Variants in MTSS1 observed in about 807,000 individuals in gnomAD.
The protein encoded by MTSS1 is protein MTSS 1.
In MTSS1, 18 loss-of-function variants were observed where a neutral mutation model predicts 79.0. The ratio of observed to expected loss-of-function variants is 0.23; its 90% confidence interval spans 0.16 to 0.34. The LOEUF (loss-of-function observed/expected upper bound fraction) is 0.34. MTSS1 is among the 10% of genes least tolerant of loss of function. MTSS1 has a pLI of 1.00. For missense variants in MTSS1, 815 were observed against 986.2 expected, an observed-to-expected ratio of 0.83 and a Z score of 2.33; for synonymous variants, 341 against 368.6, an observed-to-expected ratio of 0.93 and a Z score of 0.86.
intron 10 of MTSS1, among the ~76,000 whole-genome samples, chr8:124,560,893 C>T (rs1403681744): frequency 6.6e-6 from 1 of 152,142 alleles, no homozygotes; most frequent in Non-Finnish European, 1.5e-5. Context: ...CATCACTCGG[C>T]TTTCATCTCA....
chr8:124,554,838 A>G (rs943250466), intron 13 of MTSS1, among the ~76,000 whole-genome samples: 3 of 152,342 alleles, frequency 2.0e-5, no homozygotes, highest in African/African-American at 7.2e-5. Context: ...CAAAGTGCTA[A>G]AACAAAAATG....
In MTSS1 at chr8:124,632,475, C is replaced by T. The variant is rs115943072; in HGVS notation, c.209-41240G>A. On this transcript the variant is annotated intron_variant, in intron 3 of 13. Transcript: ENST00000518547. ...ACAAGCCTGGGCAACATAGTAAGAC[C>T]CCACCTCTACAAAAAATTAAAATAA... Among the ~76,000 whole-genome samples the T allele has an allele frequency of 4.7e-3, 718 of 151,810 alleles. 4 individuals carry two copies. The highest frequency in any genetic ancestry group is 0.015 in the African/African-American group (634 of 41,370).
rs1410415195 is a variant in MTSS1, at chr8:124,727,427, C to CTAGG, written c.72+453_72+456dup. 2 of 407,898 alleles carry CTAGG rather than the reference C, an allele frequency of 4.9e-6. No individual in the cohort carries two copies. The highest frequency in any genetic ancestry group is 9.8e-6 in the Non-Finnish European group (2 of 204,608). 25.3% of individuals were successfully genotyped at this position (407,898 alleles called of 1,614,324 possible). A position where few individuals can be genotyped will look rare whatever the true frequency, so the allele number is the denominator to read the frequency against. On this transcript the variant is annotated intron_variant, in intron 1 of 13. Transcript: ENST00000518547. This position sits in a 1 kb window ranked among gnomAD's most constrained non-coding sequence, Gnocchi z 4.7. ...TGGCTTTCCCTCTCAGTCTCCTAGG[C>CTAGG]TAGGGGACTCCTTCCTGCGAGCGGG...
At position 124,612,831 on chromosome 8, in the gene MTSS1, AT is replaced by A. The variant is rs1836127388; in HGVS notation, c.209-21597del. 2.6e-5 allele frequency among the ~76,000 whole-genome samples: 4 copies of A among 151,980 alleles called. No homozygotes were observed. The South Asian group carries it at 8.3e-4, about 32-fold the overall frequency. On this transcript the variant is annotated intron_variant, in intron 3 of 13. Coordinates refer to ENST00000518547, the MANE Select transcript of MTSS1 (RefSeq NM_014751.6). ...GAGATTAAACAAATCCCATTTTCTT[AT>A]TTTTTTTAGGTTCAAAAGACTGAAA... is the stretch of plus-strand genomic sequence containing the variant.
intron 3 of MTSS1, among the ~76,000 whole-genome samples, chr8:124,611,009 G>C (rs117576827): frequency 0.02 from 3,054 of 152,100 alleles, 54 homozygotes; most frequent in South Asian, 0.044. Context: ...CATGTGGAAG[G>C]CTGCATGGGG....
chr8:124,601,498 G>A (rs1285592528), intron 3 of MTSS1, among the ~76,000 whole-genome samples: 3 of 152,214 alleles, frequency 2.0e-5, no homozygotes, highest in African/African-American at 7.2e-5. Context: ...GGGCCACTTA[G>A]GGACACTGCT....
intron 6 of MTSS1, among the ~76,000 whole-genome samples, chr8:124,571,694 G>A (rs945102010): frequency 1.2e-4 from 18 of 152,328 alleles, no homozygotes; most frequent in African/African-American, 3.1e-4. Flanking sequence ...GGCCGGGAAC[G>A]GTGGCTCATG....
intron 3 of MTSS1, among the ~76,000 whole-genome samples, chr8:124,667,665 A>G (rs1177441847): frequency 6.6e-6 from 1 of 151,912 alleles, no homozygotes; most frequent in Non-Finnish European, 1.5e-5. Context: ...AAATAAATAA[A>G]TAACAACAAC....
Position 124,557,845 on chromosome 8 carries a change from A to T in MTSS1, c.1066T>A (p.Ser356Thr). The change falls in exon 11 of 14, where the codon TCA (serine) becomes ACA (threonine). Residue 356 changes from serine to threonine, a missense_variant. Ser to Thr is a moderately conservative substitution (Grantham distance 58, BLOSUM62 1). Around this residue, in one of 2 missense-constraint regions of MTSS1, gnomAD observed 590 missense variants for 620.8 expected, o/e 0.95. Transcript: ENST00000518547. The stretch of plus-strand genomic sequence containing the variant: ...GTGGGCCCCACGTGGGACTCACTTG[A>T]TAAACTATAGTGAGAAAACCCGTTA... ...LSNGFSHYSL[S>T]SESHVGPTGA... 6.2e-7 allele frequency: 1 copy of T among 1,601,792 alleles called. No individual in the cohort carries two copies. Among genetic ancestry groups the T allele is most frequent in the Non-Finnish European group, 8.5e-7 (1 of 1,174,224 alleles).
chr8:124,697,715 A>G (rs562947690), intron 3 of MTSS1, among the ~76,000 whole-genome samples: 10 of 152,344 alleles, frequency 6.6e-5, no homozygotes, highest in Admixed American at 6.5e-4. Flanking sequence ...TGGTTTGCAT[A>G]TTAAGTTCTT....
intron 3 of MTSS1, among the ~76,000 whole-genome samples, chr8:124,621,566 A>G (rs1813517836): frequency 1.3e-5 from 2 of 151,924 alleles, no homozygotes; most frequent in African/African-American, 4.8e-5. Context: ...TTTTTTTGAG[A>G]CGGCGTCTCG....
In MTSS1 at chr8:124,606,466, T is replaced by A. The variant is rs1204666000; in HGVS notation, c.209-15231A>T. Among the ~76,000 whole-genome samples the A allele has an allele frequency of 2.0e-5, 3 of 152,238 alleles. No homozygotes were observed. In the South Asian group the frequency reaches 6.2e-4, roughly 32 times the overall value. ...ACCCCGCCAAAAGTAGGTATCATTA[T>A]CCTCATTTTACAGATGAGGCCAAGG... On this transcript the variant is annotated intron_variant, in intron 3 of 13. Coordinates refer to ENST00000518547, the MANE Select transcript of MTSS1 (RefSeq NM_014751.6).
intron 3 of MTSS1, among the ~76,000 whole-genome samples, chr8:124,671,618 C>T (rs957115696): frequency 2.6e-5 from 4 of 152,178 alleles, no homozygotes; most frequent in Admixed American, 1.3e-4. Context: ...CACTGGGTGG[C>T]TCAAACATTG....
At chr8:124,627,203 CT>C (rs1814863479) in intron 3 of MTSS1, among the ~76,000 whole-genome samples, 1 of 152,116 alleles carries the variant, frequency 6.6e-6, no homozygotes, top group African/African-American at 2.4e-5. Flanking sequence ...GCCCTCTGAG[CT>C]ATCTAAAAAA....
intron 3 of MTSS1, among the ~76,000 whole-genome samples, chr8:124,693,886 T>C (rs1828362016): frequency 6.6e-6 from 1 of 152,142 alleles, no homozygotes; most frequent in Non-Finnish European, 1.5e-5. Context: ...TTTTAAATCA[T>C]AGAATATTAG....
chr8:124,599,719 C>T (rs996226973), intron 3 of MTSS1, among the ~76,000 whole-genome samples: 21 of 151,984 alleles, frequency 1.4e-4, no homozygotes, highest in African/African-American at 1.4e-4. Flanking sequence ...ACCTCCAAAA[C>T]GGTCTTGGGG....
At chr8:124,676,420 A>G (rs1391220849) in intron 3 of MTSS1, among the ~76,000 whole-genome samples, 1 of 152,212 alleles carries the variant, frequency 6.6e-6, no homozygotes, top group African/African-American at 2.4e-5. Flanking sequence ...TTCTTTGAAC[A>G]GAGCCATTTT....
chr8:124,602,186 TAC>T (rs1833954245), intron 3 of MTSS1, among the ~76,000 whole-genome samples: 2 of 135,678 alleles, frequency 1.5e-5, no homozygotes, highest in African/African-American at 5.6e-5. Context: ...CTCATATATA[TAC>T]ATATATATAT....
In MTSS1 at chr8:124,555,844, G is replaced by C; in HGVS notation, c.1465C>G (p.Leu489Val). ...LALALSRGLQ[L>V]DTQRSSRDSL... ...TCCCGGCTGCTCCTCTGGGTGTCCAGCTGCAGGCCCCGAGACAGGGCCAGG... is the reference window on the plus strand; with the variant it reads ...TCCCGGCTGCTCCTCTGGGTGTCCACCTGCAGGCCCCGAGACAGGGCCAGG... Residue 489 changes from leucine (L) to valine (V), a missense_variant, in exon 13 of 14, where the codon CTG becomes GTG. Coordinates refer to ENST00000518547, the MANE Select transcript of MTSS1 (RefSeq NM_014751.6). The C allele has an allele frequency of 6.2e-7, 1 of 1,613,230 alleles. No individual in the cohort carries two copies. Among genetic ancestry groups the C allele is most frequent in the Non-Finnish European group, 8.5e-7 (1 of 1,179,972 alleles).
Sources: allele counts gnomAD v4.1 joint callset (sites outside exome capture counted in the v4.1 genomes callset), GRCh38; gene constraint gnomAD v4.1.1; regional missense constraint gnomAD v4.1.1; non-coding constraint Gnocchi (gnomAD v3.1); transcripts MANE v1.5; gene names NCBI Gene and HGNC (gene_info 2026-07-23, HGNC 2026-07-21).